The following PROS1 variants were observed in gnomAD, a reference collection of about 807,000 sequenced individuals.
PROS1 encodes vitamin K-dependent protein S.
A neutral mutation model predicts 75.9 loss-of-function variants in PROS1; 29 were observed. That is an observed-to-expected ratio of 0.38 (90% CI 0.28 to 0.52). The LOEUF (loss-of-function observed/expected upper bound fraction) is 0.52, where lower values mean the gene tolerates loss of function less well. Among genes scored for constraint, PROS1 ranks in the 20% least tolerant of loss-of-function variants. The pLI, the probability that PROS1 is intolerant of heterozygous loss-of-function variation, is 0.83. For synonymous variants in PROS1, 245 were observed against 280.6 expected, an observed-to-expected ratio of 0.87 and a Z score of 1.27; for missense variants, 680 against 810.3, an observed-to-expected ratio of 0.84 and a Z score of 1.95.
chr3:93,957,015 A>G (rs1165803156), intron 1 of PROS1, among the ~76,000 whole-genome samples: 1 of 152,200 alleles, frequency 6.6e-6, no homozygotes, highest in Non-Finnish European at 1.5e-5. Context: ...ACATGAATAT[A>G]TATATATGAA....
At chr3:93,899,546 C>T (rs148103890) in intron 7 of PROS1, among the ~76,000 whole-genome samples, 9 of 151,990 alleles carry the variant, frequency 5.9e-5, no homozygotes, top group Admixed American at 2.0e-4. Context: ...ATGATAATTC[C>T]GCAGACATCT....
chr3:93,943,466 A>T (rs1709324336), intron 1 of PROS1, among the ~76,000 whole-genome samples: 1 of 151,992 alleles, frequency 6.6e-6, no homozygotes, highest in African/African-American at 2.4e-5. Context: ...AACCAATGTC[A>T]CTTCTAACAA....
At chr3:93,954,041 G>C (rs537180156) in intron 1 of PROS1, among the ~76,000 whole-genome samples, 2 of 152,102 alleles carry the variant, frequency 1.3e-5, no homozygotes, top group African/African-American at 4.8e-5. Flanking sequence ...TCTTCAAGGA[G>C]AAATACAAAC....
intron 1 of PROS1, among the ~76,000 whole-genome samples, chr3:93,953,976 G>T (rs1182144564): frequency 6.6e-6 from 1 of 152,120 alleles, no homozygotes; most frequent in African/African-American, 2.4e-5. Flanking sequence ...ATTCACAATT[G>T]CTTCAAAGAG....
intron 9 of PROS1, 65 bp downstream of exon 9, chr3:93,896,511 G>A (rs1350574905): frequency 1.4e-5 from 17 of 1,201,598 alleles, no homozygotes; most frequent in Admixed American, 8.4e-5. Context: ...AAACCTTTTC[G>A]GCCACTTTTC....
intron 1 of PROS1, among the ~76,000 whole-genome samples, chr3:93,958,071 G>A (rs978362070): frequency 1.3e-5 from 2 of 151,786 alleles, no homozygotes; most frequent in Non-Finnish European, 2.9e-5. Flanking sequence ...CTGGGCAACA[G>A]AGCAAGAATC....
At chr3:93,875,607 G>T (rs1209065211) in intron 14 of PROS1, among the ~76,000 whole-genome samples, 2 of 151,058 alleles carry the variant, frequency 1.3e-5, no homozygotes, top group African/African-American at 4.9e-5. Flanking sequence ...TAATAATTAG[G>T]CATGCTCACT....
chr3:93,893,326 T>C (rs1307473626), intron 9 of PROS1, among the ~76,000 whole-genome samples: 1 of 152,196 alleles, frequency 6.6e-6, no homozygotes, highest in Admixed American at 6.5e-5. Context: ...AATTAAGTTA[T>C]TATATTTTCT....
intron 10 of PROS1, among the ~76,000 whole-genome samples, chr3:93,889,631 C>A (rs1256894252): frequency 3.3e-5 from 5 of 152,080 alleles, no homozygotes; most frequent in Non-Finnish European, 7.4e-5. Flanking sequence ...AAGTCAGGGA[C>A]CCCGAATGGA....
intron 1 of PROS1, among the ~76,000 whole-genome samples, chr3:93,972,193 C>T (rs1174963115): frequency 6.6e-6 from 1 of 152,192 alleles, no homozygotes; most frequent in African/African-American, 2.4e-5. Context: ...CTCTCCAAAA[C>T]ACTAGCTATG....
intron 4 of PROS1, among the ~76,000 whole-genome samples, chr3:93,908,710 A>C (rs1708712224): frequency 1.3e-5 from 2 of 152,184 alleles, no homozygotes; most frequent in Admixed American, 1.3e-4. Context: ...CCTCACAAGG[A>C]CTTATTATTG....
rs8178636 is a variant in PROS1, at chr3:93,901,470, G to T, written c.602-541C>A. Reference sequence around the variant, plus strand: ...AATGAATATTCCAGAAATTTCAGATGCATATATTATATTGCCAAATGAAGA... The same window carrying T: ...AATGAATATTCCAGAAATTTCAGATTCATATATTATATTGCCAAATGAAGA... On this transcript the variant is annotated intron_variant, in intron 6 of 14. Transcript: ENST00000394236. 9.1e-3 allele frequency among the ~76,000 whole-genome samples: 1,379 copies of T among 152,200 alleles called. 30 individuals are homozygous for T. The highest frequency in any genetic ancestry group is 0.031 in the African/African-American group (1,275 of 41,516).
chr3:93,905,174 AAT>A (rs1016798970), intron 6 of PROS1, among the ~76,000 whole-genome samples: 5 of 152,366 alleles, frequency 3.3e-5, no homozygotes, highest in African/African-American at 1.2e-4. Flanking sequence ...CAGGATAAAC[AAT>A]GATTTTGCAA....
chr3:93,903,651 A>G (rs928322401), intron 6 of PROS1, among the ~76,000 whole-genome samples: 4 of 152,198 alleles, frequency 2.6e-5, no homozygotes, highest in Admixed American at 1.3e-4. Context: ...GTGACAGAGC[A>G]AAACCCTATC....
rs762190001 is a variant in PROS1, at chr3:93,884,903, A to G, written c.1324-7T>C. The G allele has an allele frequency of 1.2e-6, 2 of 1,611,056 alleles. No individual in the cohort carries two copies. Among genetic ancestry groups the G allele is most frequent in the Non-Finnish European group, 8.5e-7 (1 of 1,178,090 alleles). On this transcript the variant is annotated splice_region_variant and splice_polypyrimidine_tract_variant and intron_variant, in intron 11 of 14. Coordinates refer to ENST00000394236, the MANE Select transcript of PROS1 (RefSeq NM_000313.4). ...CATCTAGACGAGGGTTAATCTAACA[A>G]ATTAAAATACAAGTCAAGGAGTGCA... is the stretch of plus-strand genomic sequence containing the variant.
intron 1 of PROS1, among the ~76,000 whole-genome samples, chr3:93,952,225 G>A (rs975604219): frequency 2.0e-5 from 3 of 152,106 alleles, no homozygotes; most frequent in African/African-American, 4.8e-5. Flanking sequence ...GCACCAAGAG[G>A]ACCTAATAGA....
intron 1 of PROS1, among the ~76,000 whole-genome samples, chr3:93,944,985 A>G (rs534380780): frequency 4.6e-5 from 7 of 152,316 alleles, no homozygotes; most frequent in African/African-American, 1.7e-4. Flanking sequence ...TAAAGGGGAT[A>G]ACACCACCGA....
intron 1 of PROS1, among the ~76,000 whole-genome samples, chr3:93,937,319 C>T (rs527499938): frequency 7.6e-4 from 115 of 151,778 alleles, no homozygotes; most frequent in African/African-American, 2.7e-3. Context: ...TGTTCTTTTA[C>T]ACAATGCCGG....
intron 3 of PROS1, among the ~76,000 whole-genome samples, chr3:93,916,046 G>A (rs372113880): frequency 6.6e-6 from 1 of 152,128 alleles, no homozygotes; most frequent in East Asian, 1.9e-4. Flanking sequence ...TCTGGAGGCT[G>A]GGAAGTCCAA....
Sources: allele counts gnomAD v4.1 joint callset (sites outside exome capture counted in the v4.1 genomes callset), GRCh38; gene constraint gnomAD v4.1.1; transcripts MANE v1.5; gene names NCBI Gene and HGNC (gene_info 2026-07-23, HGNC 2026-07-21).